The following B3GNT4 variants were observed in gnomAD, a reference collection of about 807,000 sequenced individuals.
B3GNT4 encodes UDP-GlcNAc:betaGal beta-1,3-N-acetylglucosaminyltransferase 4, also known as N-acetyllactosaminide beta-1,3-N-acetylglucosaminyltransferase 4.
B3GNT4 carries 2 observed loss-of-function variants against 2.7 expected under a neutral mutation model. That is an observed-to-expected ratio of 0.73 (90% confidence interval 0.30 to 2.31). B3GNT4 has a LOEUF of 2.31. Among genes scored for constraint, B3GNT4 ranks in the 30% most tolerant of loss-of-function variants. B3GNT4 has a pLI of 0.12. For missense variants in B3GNT4, 708 were observed against 490.9 expected (o/e 1.44, Z -4.18); for synonymous variants, 280 against 203.4 (o/e 1.38, Z -3.20).
At chr12:122,204,320 G>C (rs1411206459) in intron 1 of B3GNT4, among the ~76,000 whole-genome samples, 1 of 151,894 alleles carries the variant, frequency 6.6e-6, no homozygotes, top group Non-Finnish European at 1.5e-5. Flanking sequence ...CGGGTGGAGA[G>C]CCGGGCTCTG....
chr12:122,208,611 C>G lies in B3GNT4; in HGVS notation c.*1223C>G. On this transcript the variant is annotated 3_prime_UTR_variant, in exon 3 of 3. Coordinates refer to ENST00000324189, the MANE Select transcript of B3GNT4 (RefSeq NM_030765.4). The stretch of plus-strand genomic sequence containing the variant: ...AGATGGGACAATCGGGTTGAGCAGC[C>G]GTGCAGGGCGCGGAAGGCTCATGTG... 6.2e-7 allele frequency: 1 copy of G among 1,603,552 alleles called. No individual in the cohort carries two copies. Among genetic ancestry groups the G allele is most frequent in the Middle Eastern group, 1.7e-4 (1 of 6,056 alleles).
chr12:122,207,273 T>C lies in B3GNT4; in HGVS notation c.1022T>C (p.Leu341Pro). ...CCCCTGGACCCCTTAGACCCCTGCCTGTATAGGGGGCTCCTGCTGGTTCAC... is the reference window on the plus strand; with the variant it reads ...CCCCTGGACCCCTTAGACCCCTGCCCGTATAGGGGGCTCCTGCTGGTTCAC... Reference protein sequence around the residue: ...RRPLDPLDPCLYRGLLLVHRL... With the variant: ...RRPLDPLDPCPYRGLLLVHRL... The change falls in exon 3 of 3, where the codon CTG becomes CCG. Residue 341 changes from leucine to proline, a missense_variant. Coordinates refer to ENST00000324189, the MANE Select transcript of B3GNT4 (RefSeq NM_030765.4). 4 of 1,614,018 alleles carry C rather than the reference T, an allele frequency of 2.5e-6. No homozygotes were observed. Among genetic ancestry groups the C allele is most frequent in the Non-Finnish European group, 2.5e-6 (3 of 1,179,980 alleles).
Position 122,208,672 on chromosome 12 carries a change from A to AC in B3GNT4, c.*1288dup. On this transcript the variant is annotated 3_prime_UTR_variant, in exon 3 of 3. Coordinates refer to ENST00000324189, the MANE Select transcript of B3GNT4 (RefSeq NM_030765.4). ...TGGGGGTGCTGTGGCTGTCATCTGA[A>AC]CCCCTCTTGGGGTCACTTTCCTTGA... The AC allele has an allele frequency of 7.6e-7, 1 of 1,307,192 alleles. No homozygotes were observed. The highest frequency in any genetic ancestry group is 1.1e-6 in the Non-Finnish European group (1 of 933,452). The allele number at this position is 1,307,192 out of a possible 1,614,324, so 81.0% of individuals were successfully genotyped here.
At position 122,204,396 on chromosome 12, in the gene B3GNT4, C is replaced by T. The variant is rs913721295; in HGVS notation, c.-97-126C>T. 19 of 442,216 alleles carry T rather than the reference C, an allele frequency of 4.3e-5. 1 individual carries two copies. Among genetic ancestry groups the T allele is most frequent in the African/African-American group, 3.4e-4 (16 of 47,042 alleles). The allele number at this position is 442,216 out of a possible 1,614,324, so 27.4% of individuals were successfully genotyped here. Reference sequence around the variant, plus strand: ...GGCCAGCGCCTGGGGACGCCCGCGGCGGGACAGGGGCCACCCGGGCCGCGG... The same window carrying T: ...GGCCAGCGCCTGGGGACGCCCGCGGTGGGACAGGGGCCACCCGGGCCGCGG... On this transcript the variant is annotated intron_variant, in intron 1 of 2. Transcript: ENST00000324189.
At chr12:122,204,328 C>T (rs1953886513) in intron 1 of B3GNT4, among the ~76,000 whole-genome samples, 194 bp from the exon 2 acceptor site, 1 of 151,798 alleles carries the variant, frequency 6.6e-6, no homozygotes, top group Non-Finnish European at 1.5e-5. Flanking sequence ...GAGCCGGGCT[C>T]TGGGGTCTCC....
At position 122,206,946 on chromosome 12, in the gene B3GNT4, T is replaced by G. The variant is rs752837963; in HGVS notation, c.695T>G (p.Leu232Arg). ...FVHVPNVLEF[L>R]DGWDPAQDLL... ...CACGTCCCCAACGTGTTAGAGTTCC[T>G]GGATGGCTGGGACCCAGCCCAGGAC... Residue 232 changes from leucine (L) to arginine (R), a missense_variant, in exon 3 of 3, where the codon CTG becomes CGG. Physicochemically the swap from Leu to Arg is moderately radical, Grantham distance 102. Coordinates refer to ENST00000324189, the MANE Select transcript of B3GNT4 (RefSeq NM_030765.4). 6.2e-7 allele frequency: 1 copy of G among 1,614,108 alleles called. No homozygotes were observed. Among genetic ancestry groups the G allele is most frequent in the Non-Finnish European group, 8.5e-7 (1 of 1,180,020 alleles).
rs530659294 is a variant in B3GNT4, at chr12:122,204,277, G to A, written c.-97-245G>A. Among the ~76,000 whole-genome samples the A allele has an allele frequency of 2.6e-5, 4 of 152,078 alleles. No homozygotes were observed. In the East Asian group the frequency reaches 7.7e-4, roughly 29 times the overall value. ...AAGGCCGAGCGCAGCCTCAGGACCC[G>A]CGCCCCACCAGACGGGGTCGTGCGC... On this transcript the variant is annotated intron_variant, in intron 1 of 2. Coordinates refer to ENST00000324189, the MANE Select transcript of B3GNT4 (RefSeq NM_030765.4).
In B3GNT4 at chr12:122,207,335, C is replaced by T; in HGVS notation, c.1084C>T (p.Leu362=). The change falls in exon 3 of 3, where the codon CTG becomes TTG. Residue 362 remains leucine, a synonymous_variant. Transcript: ENST00000324189. ...SPLEMWTMWA[L]VTDEGLKCAA... ...CCTCGAGATGTGGACCATGTGGGCA[C>T]TGGTGACAGATGAGGGGCTCAAGTG... The T allele has an allele frequency of 1.9e-6, 3 of 1,607,304 alleles. No individual in the cohort carries two copies. The highest frequency in any genetic ancestry group is 2.6e-6 in the Non-Finnish European group (3 of 1,176,172).
In B3GNT4 at chr12:122,207,267, C is replaced by G. The variant is rs1461452631; in HGVS notation, c.1016C>G (p.Pro339Arg). 1 of 1,614,016 alleles carries G rather than the reference C, an allele frequency of 6.2e-7. No individual in the cohort carries two copies. Among genetic ancestry groups the G allele is most frequent in the Admixed American group, 1.7e-5 (1 of 60,010 alleles). ...CGGCGGCCCCTGGACCCCTTAGACC[C>G]CTGCCTGTATAGGGGGCTCCTGCTG... Reference protein sequence around the residue: ...GIRRPLDPLDPCLYRGLLLVH... With the variant: ...GIRRPLDPLDRCLYRGLLLVH... The change falls in exon 3 of 3, where the codon CCC becomes CGC. Residue 339 changes from proline to arginine, a missense_variant. Coordinates refer to ENST00000324189, the MANE Select transcript of B3GNT4 (RefSeq NM_030765.4).
At position 122,207,419 on chromosome 12, in the gene B3GNT4, A is replaced by G; in HGVS notation, c.*31A>G. The G allele has an allele frequency of 6.6e-7, 1 of 1,504,734 alleles. No homozygotes were observed. The highest frequency in any genetic ancestry group is 8.9e-7 in the Non-Finnish European group (1 of 1,128,700). The allele number at this position is 1,504,734 out of a possible 1,614,324, so 93.2% of individuals were successfully genotyped here. On this transcript the variant is annotated 3_prime_UTR_variant, in exon 3 of 3. Transcript: ENST00000324189. ...GGGTTGGGCAACAGCCTGAGAGTGG[A>G]CTCAGTGTTGATTCTCTATCGTGAT...
intron 2 of B3GNT4, chr12:122,204,948 T>G (rs7304287): frequency 0.018 from 8,729 of 490,830 alleles, 261 homozygotes; most frequent in African/African-American, 0.077. Flanking sequence ...GAGGATCGCT[T>G]GAACCCAGGA....
Position 122,206,263 on chromosome 12 carries a change from T to A in B3GNT4, c.67-55T>A, listed in dbSNP as rs920406200. 40 of 1,439,554 alleles carry A rather than the reference T, an allele frequency of 2.8e-5. No individual in the cohort carries two copies. The African/African-American group carries it at 4.7e-4, about 17-fold the overall frequency. The allele number at this position is 1,439,554 out of a possible 1,614,324, so 89.2% of individuals were successfully genotyped here. A position where few individuals can be genotyped will look rare whatever the true frequency, so the allele number is the denominator to read the frequency against. On this transcript the variant is annotated intron_variant, in intron 2 of 2. Coordinates refer to ENST00000324189, the MANE Select transcript of B3GNT4 (RefSeq NM_030765.4). Reference sequence around the variant, plus strand: ...GGGTGCAGGTTAACTCCTGCCCAACTCTTGGGGACAGGGACCCGGGGCTGG... The same window carrying A: ...GGGTGCAGGTTAACTCCTGCCCAACACTTGGGGACAGGGACCCGGGGCTGG...
At chr12:122,205,025 C>CA (rs573749450) in intron 2 of B3GNT4, 56 of 244,414 alleles carry the variant, frequency 2.3e-4, no homozygotes, top group Middle Eastern at 1.2e-3. Flanking sequence ...GACACTGTCT[C>CA]AAAAAAAACC....
chr12:122,206,819 T>C lies in B3GNT4; in HGVS notation c.568T>C (p.Phe190Leu), dbSNP rs774899917. 7 of 1,612,512 alleles carry C rather than the reference T, an allele frequency of 4.3e-6. No individual in the cohort carries two copies. Among genetic ancestry groups the C allele is most frequent in the Non-Finnish European group, 5.9e-6 (7 of 1,179,240 alleles). Residue 190 changes from phenylalanine to leucine, a missense_variant, in exon 3 of 3, where the codon TTC becomes CTC. Transcript: ENST00000324189. Reference protein sequence around the residue: ...DILQWDFTEDFFNLTLKELHL... With the variant: ...DILQWDFTEDLFNLTLKELHL... ...CCTCCAGTGGGACTTCACTGAGGAC[T>C]TCTTCAACCTGACGCTCAAGGAGCT...
At position 122,208,554 on chromosome 12, in the gene B3GNT4, C is replaced by A; in HGVS notation, c.*1166C>A. 1 of 1,613,514 alleles carries A rather than the reference C, an allele frequency of 6.2e-7. No homozygotes were observed. The highest frequency in any genetic ancestry group is 8.5e-7 in the Non-Finnish European group (1 of 1,180,038). On this transcript the variant is annotated 3_prime_UTR_variant, in exon 3 of 3. Coordinates refer to ENST00000324189, the MANE Select transcript of B3GNT4 (RefSeq NM_030765.4). ...TTCACCAGCTGAATGTGATTCCTGG[C>A]GGTTATAGAGGCCTGATCTGCGCCT...
At position 122,204,570 on chromosome 12, in the gene B3GNT4, C is replaced by G. The variant is rs925992856; in HGVS notation, c.-49C>G. ...ACTCATCTCGCTTCGACCCCGCCGC[C>G]GCCGCCGCCCGGCATCCTGAGCACG... On this transcript the variant is annotated 5_prime_UTR_variant, in exon 2 of 3. Coordinates refer to ENST00000324189, the MANE Select transcript of B3GNT4 (RefSeq NM_030765.4). 1.3e-6 allele frequency: 2 copies of G among 1,539,474 alleles called. No individual in the cohort carries two copies. The highest frequency in any genetic ancestry group is 1.8e-6 in the Non-Finnish European group (2 of 1,117,972).
At position 122,208,707 on chromosome 12, in the gene B3GNT4, CTT is replaced by C. The variant is rs775793922; in HGVS notation, c.*1320_*1321del. On this transcript the variant is annotated 3_prime_UTR_variant, in exon 3 of 3. Transcript: ENST00000324189. ...GGGTCACTTTCCTTGACCTCCCTGT[CTT>C]CTCTCTCTGCAAAGAAACTTCCACC... is the stretch of plus-strand genomic sequence containing the variant. 6 of 866,826 alleles carry C rather than the reference CTT, an allele frequency of 6.9e-6. No individual in the cohort carries two copies. Among genetic ancestry groups the C allele is most frequent in the Non-Finnish European group, 1.1e-5 (6 of 535,346 alleles). 53.7% of individuals were successfully genotyped at this position (866,826 alleles called of 1,614,324 possible).
Position 122,207,683 on chromosome 12 carries a change from T to G in B3GNT4, c.*295T>G, listed in dbSNP as rs1953955084. 2 of 610,128 alleles carry G rather than the reference T, an allele frequency of 3.3e-6. No individual in the cohort carries two copies. The highest frequency in any genetic ancestry group is 2.1e-5 in the Admixed American group (1 of 47,158). 37.8% of individuals were successfully genotyped at this position (610,128 alleles called of 1,614,324 possible). ...TGCATAGGACCCCAGGAGAGACGCA[T>G]TTTCTCTTTCAGATGCAAACAAAAT... On this transcript the variant is annotated 3_prime_UTR_variant, in exon 3 of 3. Transcript: ENST00000324189.
chr12:122,208,564 G>A lies in B3GNT4; in HGVS notation c.*1176G>A, dbSNP rs1188269077. ...GAATGTGATTCCTGGCGGTTATAGA[G>A]GCCTGATCTGCGCCTGCCAAAAGAT... On this transcript the variant is annotated 3_prime_UTR_variant, in exon 3 of 3. Transcript: ENST00000324189. The A allele has an allele frequency of 1.9e-6, 3 of 1,613,026 alleles. No individual in the cohort carries two copies. Among genetic ancestry groups the A allele is most frequent in the Non-Finnish European group, 2.5e-6 (3 of 1,180,026 alleles).
Sources: allele counts gnomAD v4.1 joint callset (sites outside exome capture counted in the v4.1 genomes callset), GRCh38; gene constraint gnomAD v4.1.1; transcripts MANE v1.5; gene names NCBI Gene and HGNC (gene_info 2026-07-23, HGNC 2026-07-21).